The following ZFHX3 variants were observed in gnomAD, a reference collection of about 807,000 sequenced individuals.
ZFHX3 encodes the protein zinc finger homeobox 3.
In ZFHX3, 42 loss-of-function variants were observed where a neutral mutation model predicts 279.1. That is an observed-to-expected ratio of 0.15 (90% CI 0.12 to 0.19). ZFHX3 has a LOEUF of 0.19. Among genes scored for constraint, ZFHX3 ranks in the 10% least tolerant of loss-of-function variants. The pLI is 1.00. For missense variants in ZFHX3, 4,981 were observed against 4,754.0 expected (o/e 1.05, Z -1.40); for synonymous variants, 2,293 against 1,957.8 (o/e 1.17, Z -4.52).
intron 2 of ZFHX3, among the ~76,000 whole-genome samples, chr16:73,484,125 A>G (rs554923075): frequency 1.1e-3 from 168 of 152,138 alleles, no homozygotes; most frequent in African/African-American, 3.9e-3. Flanking sequence ...GGAAAGGCGC[A>G]GTTGTGCAGC....
Position 73,885,794 on chromosome 16 carries a change from A to G in ZFHX3, c.-1608+5857T>C, listed in dbSNP as rs190464704. On this transcript the variant is annotated intron_variant, in intron 1 of 17. Coordinates refer to the ZFHX3 transcript ENST00000641206. ...AATTGCTGGAGATATAATATGAGCC[A>G]TCTGTAATTTCCCCTTCACTGCCCT... 5.9e-5 allele frequency among the ~76,000 whole-genome samples: 9 copies of G among 152,268 alleles called. No individual in the cohort carries two copies. In the East Asian group the frequency reaches 1.7e-3, roughly 29 times the overall value.
chr16:72,813,081 T>C (rs2036508703), intron 5 of ZFHX3, among the ~76,000 whole-genome samples: 1 of 152,218 alleles, frequency 6.6e-6, no homozygotes, highest in African/African-American at 2.4e-5. Context: ...TATGGTTGGA[T>C]CTGGTTGTTC....
chr16:73,485,281 C>T (rs1287602561), intron 2 of ZFHX3, among the ~76,000 whole-genome samples: 1 of 152,036 alleles, frequency 6.6e-6, no homozygotes, highest in African/African-American at 2.4e-5. Flanking sequence ...GGTTTCTTTC[C>T]TTTGTGTAAT....
At chr16:73,704,812 G>A (rs2053287772) in intron 1 of ZFHX3, among the ~76,000 whole-genome samples, 1 of 152,214 alleles carries the variant, frequency 6.6e-6, no homozygotes. Context: ...CTCCTGCTAG[G>A]GAGCTCTGGG....
intron 5 of ZFHX3, 37 bp from the exon 6 acceptor site, chr16:72,812,075 G>A (rs373430544): frequency 1.9e-6 from 3 of 1,607,532 alleles, no homozygotes; most frequent in Non-Finnish European, 2.5e-6. Context: ...ACAGCAGCCA[G>A]ACCAGGCCAG....
chr16:73,705,735 A>G (rs975826327), intron 1 of ZFHX3, among the ~76,000 whole-genome samples: 8 of 152,036 alleles, frequency 5.3e-5, no homozygotes, highest in Admixed American at 5.2e-4. Flanking sequence ...CACTCCACAA[A>G]TCATTACTCT....
intron 2 of ZFHX3, among the ~76,000 whole-genome samples, chr16:73,649,852 T>G (rs1317004553): frequency 6.6e-6 from 1 of 152,030 alleles, no homozygotes; most frequent in Non-Finnish European, 1.5e-5. Flanking sequence ...GGAGGTAGAA[T>G]CAAAAGGGTA....
chr16:73,591,496 A>G (rs903096601), intron 2 of ZFHX3, among the ~76,000 whole-genome samples: 4 of 151,540 alleles, frequency 2.6e-5, no homozygotes, highest in African/African-American at 9.7e-5. Flanking sequence ...GATCGATATC[A>G]TCGTGGCTAA....
chr16:73,152,977 G>C (rs559451286), intron 5 of ZFHX3, among the ~76,000 whole-genome samples: 45 of 152,252 alleles, frequency 3.0e-4, no homozygotes, highest in African/African-American at 7.2e-4. Context: ...TGCTGTGAAG[G>C]GGGAGGGGTG....
intron 1 of ZFHX3, among the ~76,000 whole-genome samples, chr16:73,703,434 T>TA (rs763104331): frequency 1.5e-4 from 23 of 151,702 alleles, no homozygotes; most frequent in Non-Finnish European, 2.8e-4. Flanking sequence ...CCAATAATAT[T>TA]AAAAAATAGG....
chr16:72,788,876 GGTCA>G (rs2035580717), intron 9 of ZFHX3, 28 bp from the exon 10 acceptor site: 1 of 1,514,500 alleles, frequency 6.6e-7, no homozygotes, highest in Non-Finnish European at 8.8e-7. Context: ...AGAAATCACC[GGTCA>G]GTCTGGGCAG....
chr16:73,104,376 G>A (rs1299328995), intron 7 of ZFHX3, among the ~76,000 whole-genome samples: 1 of 152,002 alleles, frequency 6.6e-6, no homozygotes, highest in African/African-American at 2.4e-5. Flanking sequence ...GATTACAGGT[G>A]CGCACCACCA....
chr16:73,371,251 G>A (rs1367794750), intron 3 of ZFHX3, among the ~76,000 whole-genome samples: 3 of 151,650 alleles, frequency 2.0e-5, no homozygotes, highest in Non-Finnish European at 4.4e-5. Flanking sequence ...AGGTTGCAGT[G>A]AGCCGAGATC....
chr16:72,862,910 C>T (rs992675134), intron 4 of ZFHX3, among the ~76,000 whole-genome samples: 6 of 152,040 alleles, frequency 3.9e-5, no homozygotes, highest in Admixed American at 3.9e-4. Context: ...AATGTGAACA[C>T]CATGTTGGCA....
At chr16:73,371,554 A>C (rs2016630813) in intron 3 of ZFHX3, among the ~76,000 whole-genome samples, 1 of 151,808 alleles carries the variant, frequency 6.6e-6, no homozygotes, top group African/African-American at 2.4e-5. Flanking sequence ...AAATGATAAG[A>C]AGTGGCACAG....
chr16:73,259,348 G>A (rs945647126), intron 4 of ZFHX3, among the ~76,000 whole-genome samples: 1 of 152,142 alleles, frequency 6.6e-6, no homozygotes, highest in African/African-American at 2.4e-5. Flanking sequence ...GCCAACGTTC[G>A]GTATTTTCAA....
At chr16:73,566,688 CTTTTTTT>C (rs35009584) in intron 2 of ZFHX3, among the ~76,000 whole-genome samples, 3 of 120,022 alleles carry the variant, frequency 2.5e-5, no homozygotes, top group African/African-American at 6.8e-5. Context: ...ACCAAGCTAA[CTTTTTTT>C]TTTTTTTTTT....
At chr16:73,445,288 ATATATG>A in intron 3 of ZFHX3, among the ~76,000 whole-genome samples, 1 of 100,138 alleles carries the variant, frequency 1.0e-5, no homozygotes, top group Admixed American at 1.0e-4. Flanking sequence ...GTGTGTATAT[ATATATG>A]TATATGTATG....
intron 1 of ZFHX3, among the ~76,000 whole-genome samples, chr16:73,722,927 T>C (rs1181768794): frequency 1.3e-5 from 2 of 152,212 alleles, no homozygotes. Flanking sequence ...ATTCCAAACC[T>C]TTTCCTTACA....
Sources: gnomAD v4.1 joint callset for allele counts (sites outside exome capture counted in the v4.1 genomes callset) on GRCh38, gnomAD v4.1.1 for gene constraint, MANE v1.5 for transcripts, NCBI Gene and HGNC (gene_info 2026-07-23, HGNC 2026-07-21) for gene names.